Variants in CELF4 observed in about 807,000 individuals in gnomAD.
CELF4 encodes CUGBP Elav-like family member 4, also known as CUG-BP- and ETR-3-like factor 4.
Under a neutral mutation model 59.9 loss-of-function variants are expected in CELF4, and 18 were observed. The ratio of observed to expected loss-of-function variants is 0.30; its 90% CI spans 0.21 to 0.45. CELF4 has a LOEUF of 0.45. Among genes scored for constraint, CELF4 ranks in the 20% least tolerant of loss-of-function variants. The pLI, the probability that CELF4 is intolerant of heterozygous loss-of-function variation, is 1.00. For missense variants in CELF4, 456 were observed against 689.0 expected (o/e 0.66, Z 3.79); for synonymous variants, 261 against 267.1 (o/e 0.98, Z 0.22).
At chr18:37,256,835 T>A (rs937148991) in intron 11 of CELF4, among the ~76,000 whole-genome samples, 3 of 152,208 alleles carry the variant, frequency 2.0e-5, no homozygotes, top group African/African-American at 7.2e-5. Flanking sequence ...TCTGCCCGCC[T>A]CAGCCTCCCA....
At chr18:37,452,423 G>A (rs1471160575) in intron 2 of CELF4, among the ~76,000 whole-genome samples, 3 of 152,074 alleles carry the variant, frequency 2.0e-5, no homozygotes, top group Admixed American at 2.0e-4. Context: ...TGGACCCAGA[G>A]GCCTGTGGCT....
intron 2 of CELF4, among the ~76,000 whole-genome samples, chr18:37,392,784 G>C (rs1269712964): frequency 6.6e-6 from 1 of 152,216 alleles, no homozygotes; most frequent in Non-Finnish European, 1.5e-5. Context: ...TGGTCCCTCA[G>C]GTCTCAGCTC....
intron 2 of CELF4, among the ~76,000 whole-genome samples, chr18:37,403,343 C>T (rs531805046): frequency 1.4e-3 from 219 of 152,250 alleles, no homozygotes; most frequent in African/African-American, 5.0e-3. Flanking sequence ...AGCCTGGGAG[C>T]GAAAGCCTCA....
At chr18:37,375,157 G>A (rs540967613) in intron 2 of CELF4, among the ~76,000 whole-genome samples, 3 of 152,270 alleles carry the variant, frequency 2.0e-5, no homozygotes, top group East Asian at 1.9e-4. Context: ...ATGTGTGTGT[G>A]CTCATGCGTC....
chr18:37,363,626 T>G (rs1361505516), intron 2 of CELF4, among the ~76,000 whole-genome samples: 1 of 152,130 alleles, frequency 6.6e-6, no homozygotes, highest in Admixed American at 6.5e-5. Context: ...ATGGTAAGAT[T>G]TTGGTGTCAT....
intron 3 of CELF4, among the ~76,000 whole-genome samples, chr18:37,316,052 AG>A (rs1228742351): frequency 6.6e-6 from 1 of 152,154 alleles, no homozygotes; most frequent in African/African-American, 2.4e-5. Context: ...TCAGGGCTGC[AG>A]GGCAGCTTCC....
chr18:37,467,378 A>G (rs1251559630), intron 2 of CELF4, among the ~76,000 whole-genome samples: 2 of 152,078 alleles, frequency 1.3e-5, no homozygotes, highest in Non-Finnish European at 2.9e-5. Context: ...CTCGGCCTTG[A>G]CCATCCTGCA....
At chr18:37,263,891 T>C (rs2154320496) in intron 10 of CELF4, among the ~76,000 whole-genome samples, 1 of 151,980 alleles carries the variant, frequency 6.6e-6, no homozygotes, top group Non-Finnish European at 1.5e-5. Flanking sequence ...GATAAACTCA[T>C]CTCCCTCTCT....
At chr18:37,548,181 C>G (rs1253420303) in intron 1 of CELF4, among the ~76,000 whole-genome samples, 1 of 151,990 alleles carries the variant, frequency 6.6e-6, no homozygotes, top group East Asian at 1.9e-4. Flanking sequence ...CCATACAAGA[C>G]AGTGTGTGAT....
intron 2 of CELF4, among the ~76,000 whole-genome samples, chr18:37,423,064 G>GCGCACA (rs1557422716): frequency 4.8e-4 from 73 of 150,522 alleles, no homozygotes; most frequent in African/African-American, 1.1e-3. Context: ...GCGCGCGCGC[G>GCGCACA]CACACACACA....
At chr18:37,479,965 T>G (rs907418808) in intron 2 of CELF4, among the ~76,000 whole-genome samples, 2 of 152,172 alleles carry the variant, frequency 1.3e-5, no homozygotes, top group African/African-American at 4.8e-5. Flanking sequence ...CATCTACAAC[T>G]GAGGAATGTC....
chr18:37,358,821 G>A (rs868303729), intron 2 of CELF4, among the ~76,000 whole-genome samples: 1 of 56 alleles, frequency 0.018, no homozygotes, highest in Middle Eastern at 0.25. Flanking sequence ...CCTGTCAAGA[G>A]GCTGGGCATG....
intron 1 of CELF4, among the ~76,000 whole-genome samples, chr18:37,542,650 A>G (rs1448171273): frequency 2.6e-5 from 4 of 152,236 alleles, no homozygotes; most frequent in African/African-American, 9.6e-5. Flanking sequence ...AGCACATTAG[A>G]GCACTTGGCA....
intron 1 of CELF4, among the ~76,000 whole-genome samples, chr18:37,537,124 GCCT>G (rs2099974143): frequency 6.6e-6 from 1 of 152,136 alleles, no homozygotes; most frequent in Non-Finnish European, 1.5e-5. Context: ...CCTGGCATTT[GCCT>G]CCTCCTCTTG....
intron 2 of CELF4, among the ~76,000 whole-genome samples, chr18:37,414,777 G>A (rs2099513644): frequency 6.6e-6 from 1 of 151,846 alleles, no homozygotes; most frequent in Admixed American, 6.6e-5. Context: ...GATTACAGGT[G>A]TGAGCCACAA....
chr18:37,364,152 T>C (rs1177743519), intron 2 of CELF4, among the ~76,000 whole-genome samples: 1 of 152,234 alleles, frequency 6.6e-6, no homozygotes, highest in East Asian at 1.9e-4. Context: ...TGGGAGCTTC[T>C]GTTTGCACTT....
At chr18:37,258,693 G>A (rs2071952548) in intron 11 of CELF4, among the ~76,000 whole-genome samples, 1 of 152,130 alleles carries the variant, frequency 6.6e-6, no homozygotes, top group African/African-American at 2.4e-5. Flanking sequence ...AGAGGGGCCT[G>A]GCTAGGTGAC....
At chr18:37,310,894 G>A (rs1483035263) in intron 3 of CELF4, among the ~76,000 whole-genome samples, 3 of 152,118 alleles carry the variant, frequency 2.0e-5, no homozygotes, top group African/African-American at 4.8e-5. Context: ...TCTCCTCCAC[G>A]CTCACATAGT....
chr18:37,497,710 G>A (rs976846677), intron 1 of CELF4, among the ~76,000 whole-genome samples: 7 of 151,992 alleles, frequency 4.6e-5, no homozygotes, highest in African/African-American at 1.5e-4. Flanking sequence ...AAGGCCAGGT[G>A]ATGAGTGTGC....
Sources: allele counts gnomAD v4.1 joint callset (sites outside exome capture counted in the v4.1 genomes callset), GRCh38; gene constraint gnomAD v4.1.1; transcripts MANE v1.5; gene names NCBI Gene and HGNC (gene_info 2026-07-23, HGNC 2026-07-21).